Variants in CDH18 observed in about 807,000 individuals in gnomAD.
The protein encoded by CDH18 is cadherin 18, also known as cadherin-18.
Under a neutral mutation model 67.9 loss-of-function variants are expected in CDH18, and 31 were observed. The observed-to-expected ratio is 0.46, with a 90% confidence interval of 0.34 to 0.62. The LOEUF is 0.62. Among genes scored for constraint, CDH18 ranks in the 20% least tolerant of loss-of-function variants. The pLI is 0.01. For synonymous variants in CDH18, 362 were observed against 347.2 expected, an observed-to-expected ratio of 1.04 and a Z score of -0.48; for missense variants, 890 against 975.5, an observed-to-expected ratio of 0.91 and a Z score of 1.17.
intron 1 of CDH18, among the ~76,000 whole-genome samples, chr5:20,422,415 G>A (rs1459228613): frequency 6.6e-6 from 1 of 150,842 alleles, no homozygotes; most frequent in Non-Finnish European, 1.5e-5. Context: ...GTTTATGGAT[G>A]ACTTAATAAT....
At chr5:19,585,053 G>T (rs558378716) in intron 7 of CDH18, among the ~76,000 whole-genome samples, 1 of 151,136 alleles carries the variant, frequency 6.6e-6, no homozygotes, top group South Asian at 2.1e-4. Flanking sequence ...TAAATGTCAA[G>T]AATATTTTTA....
intron 1 of CDH18, among the ~76,000 whole-genome samples, chr5:20,271,924 C>CAGAGAGAGGGAGAGAG (rs1745464663): frequency 6.8e-6 from 1 of 146,562 alleles, no homozygotes; most frequent in South Asian, 2.2e-4. Flanking sequence ...TGTAGAGAGG[C>CAGAGAGAGGGAGAGAG]AGAGAGAGAG....
At chr5:20,111,546 C>CTTT (rs760458451) in intron 2 of CDH18, among the ~76,000 whole-genome samples, 11 of 51,900 alleles carry the variant, frequency 2.1e-4, no homozygotes, top group Non-Finnish European at 3.3e-4. Flanking sequence ...TTCCTTCTTT[C>CTTT]TTTTTTTTTT....
At chr5:20,128,977 C>T (rs1045688289) in intron 2 of CDH18, among the ~76,000 whole-genome samples, 1 of 151,914 alleles carries the variant, frequency 6.6e-6, no homozygotes, top group Non-Finnish European at 1.5e-5. Context: ...AAACAATCAC[C>T]TGGCCATAGT....
chr5:20,099,742 GA>G (rs2150574539), intron 2 of CDH18, among the ~76,000 whole-genome samples: 1 of 152,230 alleles, frequency 6.6e-6, no homozygotes, highest in South Asian at 2.1e-4. Context: ...TTAGACAGGA[GA>G]AAAGTGTTTT....
chr5:20,555,067 G>A (rs1448179495), intron 1 of CDH18, among the ~76,000 whole-genome samples: 1 of 152,050 alleles, frequency 6.6e-6, no homozygotes, highest in Admixed American at 6.6e-5. Flanking sequence ...CCAGTGTTTT[G>A]GCATTTAGAT....
chr5:20,222,187 C>A (rs2126455269), intron 2 of CDH18, among the ~76,000 whole-genome samples: 1 of 152,226 alleles, frequency 6.6e-6, no homozygotes, highest in Non-Finnish European at 1.5e-5. Context: ...TAGATGCTAA[C>A]AGGAACATGA....
intron 1 of CDH18, among the ~76,000 whole-genome samples, chr5:20,322,750 G>A (rs553147533): frequency 2.6e-5 from 4 of 152,174 alleles, no homozygotes; most frequent in Non-Finnish European, 4.4e-5. Flanking sequence ...ACAAAAAGCC[G>A]CTTGACAGAG....
At chr5:19,548,271 A>C (rs1053712922) in intron 8 of CDH18, among the ~76,000 whole-genome samples, 17 of 150,152 alleles carry the variant, frequency 1.1e-4, no homozygotes, top group African/African-American at 4.2e-4. Flanking sequence ...AAAGAGGACT[A>C]ATCATAAAAC....
chr5:19,705,994 T>C (rs1041767882), intron 5 of CDH18, among the ~76,000 whole-genome samples: 4 of 152,204 alleles, frequency 2.6e-5, no homozygotes, highest in African/African-American at 9.6e-5. Context: ...TAAAGCTTCT[T>C]ATTCTGGCTC....
At chr5:20,232,007 CTCT>C (rs1742116275) in intron 2 of CDH18, among the ~76,000 whole-genome samples, 1 of 149,384 alleles carries the variant, frequency 6.7e-6, no homozygotes, top group Non-Finnish European at 1.5e-5. Context: ...AACACTCAAA[CTCT>C]TCTAATATTT....
chr5:19,797,276 A>C (rs1776962847), intron 3 of CDH18, among the ~76,000 whole-genome samples: 1 of 151,976 alleles, frequency 6.6e-6, no homozygotes, highest in Admixed American at 6.6e-5. Context: ...TGGAGCAAGG[A>C]AAAACATGTC....
At chr5:19,687,484 T>C (rs1390308072) in intron 5 of CDH18, among the ~76,000 whole-genome samples, 1 of 152,146 alleles carries the variant, frequency 6.6e-6, no homozygotes, top group Admixed American at 6.5e-5. Context: ...ATACACAGCG[T>C]CCTGTATCTT....
chr5:19,839,501 A>G (rs1782036171), intron 2 of CDH18, among the ~76,000 whole-genome samples: 1 of 152,202 alleles, frequency 6.6e-6, no homozygotes, highest in Admixed American at 6.5e-5. Context: ...AATTTGTTAT[A>G]TATACTACAC....
chr5:20,148,072 A>G (rs1179320182), intron 2 of CDH18, among the ~76,000 whole-genome samples: 1 of 151,280 alleles, frequency 6.6e-6, no homozygotes, highest in African/African-American at 2.4e-5. Flanking sequence ...TAAGCATACA[A>G]TAGTGTCTTT....
At chr5:19,791,223 G>T (rs1776317220) in intron 3 of CDH18, among the ~76,000 whole-genome samples, 1 of 152,000 alleles carries the variant, frequency 6.6e-6, no homozygotes, top group Admixed American at 6.6e-5. Flanking sequence ...TTGAAAATGA[G>T]AGTGGCAGTG....
intron 5 of CDH18, among the ~76,000 whole-genome samples, chr5:19,647,773 T>C (rs1754991735): frequency 6.6e-6 from 1 of 152,078 alleles, no homozygotes; most frequent in African/African-American, 2.4e-5. Flanking sequence ...TATTCTCTTT[T>C]ATTCATTATG....
intron 2 of CDH18, among the ~76,000 whole-genome samples, chr5:20,025,369 T>C (rs1738803726): frequency 6.6e-6 from 1 of 152,188 alleles, no homozygotes; most frequent in South Asian, 2.1e-4. Flanking sequence ...AATCAATAAT[T>C]ACAACTTTTT....
At chr5:20,389,671 C>A (rs1383675091) in intron 1 of CDH18, among the ~76,000 whole-genome samples, 6 of 152,070 alleles carry the variant, frequency 3.9e-5, no homozygotes, top group South Asian at 2.1e-4. Flanking sequence ...AAAGAGCCCG[C>A]ATCGCCAAGT....
Sources: allele counts gnomAD v4.1 joint callset (sites outside exome capture counted in the v4.1 genomes callset), GRCh38; gene constraint gnomAD v4.1.1; transcripts MANE v1.5; gene names NCBI Gene and HGNC (gene_info 2026-07-23, HGNC 2026-07-21).